POLR1C: variants seen among roughly 807,000 people sequenced by gnomAD.
POLR1C encodes the protein RNA polymerase I and III subunit C, also known as DNA-directed RNA polymerases I and III subunit RPAC1.
POLR1C carries 42 observed loss-of-function variants against 38.3 expected under a neutral mutation model. That is an observed-to-expected ratio of 1.10 (90% CI 0.86 to 1.42). POLR1C has a LOEUF of 1.42. POLR1C is among the 40% of genes most tolerant of loss of function. The pLI is 0.00. For synonymous variants in POLR1C, 163 were observed against 163.9 expected (o/e 0.99, Z 0.04); for missense variants, 507 against 450.5 (o/e 1.13, Z -1.14).
downstream of POLR1C, among the ~76,000 whole-genome samples, chr6:43,532,792 C>G (rs1794063467): frequency 6.6e-6 from 1 of 152,194 alleles, no homozygotes; most frequent in Admixed American, 6.5e-5. Flanking sequence ...TATGACTGCA[C>G]AGTTATTTTC....
chr6:43,561,035 G>C (rs779573987), intron 10 of POLR1C: 10 of 1,563,538 alleles, frequency 6.4e-6, no homozygotes, highest in Non-Finnish European at 8.8e-6. Context: ...TATATTAACG[G>C]TGTTGATCGA....
Position 43,558,856 on chromosome 6 carries a change from A to C in POLR1C, c.*49-2544A>C, listed in dbSNP as rs9472076. The C allele has an allele frequency of 9.5e-3, 3,279 of 344,098 alleles. 114 individuals are homozygous for C. Among genetic ancestry groups the C allele is most frequent in the African/African-American group, 0.062 (2,949 of 47,226 alleles). 21.3% of individuals were successfully genotyped at this position (344,098 alleles called of 1,614,324 possible). On this transcript the variant is annotated intron_variant, in intron 10 of 10. Coordinates refer to the POLR1C transcript ENST00000607635. ...GAGAATTAAATTCTTGAATTCTTTT[A>C]AGGTCCCCAGAAAAAATGACAATTC...
chr6:43,520,515 G>A (rs758963272), intron 6 of POLR1C, 88 bp downstream of exon 6: 235 of 1,601,532 alleles, frequency 1.5e-4, no homozygotes, highest in Admixed American at 3.5e-4. Context: ...AGACATTCCC[G>A]GCAGGTAGAA....
At chr6:43,536,758 TAAAAAA>T (rs1156884252) in intron 9 of POLR1C, among the ~76,000 whole-genome samples, 12 of 19,098 alleles carry the variant, frequency 6.3e-4, no homozygotes, top group African/African-American at 2.4e-3. Context: ...AGACTCTATC[TAAAAAA>T]AAAAAAAAAA....
intron 10 of POLR1C, chr6:43,560,303 ACT>A: frequency 6.3e-7 from 1 of 1,597,648 alleles, no homozygotes; most frequent in Admixed American, 1.8e-5. Context: ...GAGCGTAGAA[ACT>A]AAAGAGAAAA....
downstream of POLR1C, chr6:43,524,483 A>G (rs1223935943): frequency 1.2e-6 from 2 of 1,613,518 alleles, no homozygotes; most frequent in South Asian, 2.2e-5. Flanking sequence ...CAATGCAACC[A>G]GCAATGAGGC....
At chr6:43,546,377 T>C (rs1176702675) in intron 9 of POLR1C, among the ~76,000 whole-genome samples, 9 of 152,230 alleles carry the variant, frequency 5.9e-5, no homozygotes, top group Non-Finnish European at 1.3e-4. Flanking sequence ...TGGGTTCACA[T>C]GGAAATTAAG....
At chr6:43,549,760 C>A in intron 9 of POLR1C, 2 of 1,183,156 alleles carry the variant, frequency 1.7e-6, no homozygotes, top group Admixed American at 2.3e-5. Context: ...CCTATAGTGG[C>A]AAAACAACAT....
downstream of POLR1C, chr6:43,526,281 A>G (rs1023166797): frequency 2.7e-6 from 1 of 364,004 alleles, no homozygotes; most frequent in Non-Finnish European, 5.1e-6. Context: ...ACATTCTAAC[A>G]TGGGAGATAG....
chr6:43,546,460 T>A, intron 9 of POLR1C: 1 of 1,060,800 alleles, frequency 9.4e-7, no homozygotes. Flanking sequence ...AAGACTTAAA[T>A]CAATCCCTCA....
chr6:43,546,120 G>C (rs1293245349), intron 9 of POLR1C, among the ~76,000 whole-genome samples: 1 of 152,132 alleles, frequency 6.6e-6, no homozygotes, highest in African/African-American at 2.4e-5. Flanking sequence ...AGCATGTTCA[G>C]CCAGCGGTTG....
chr6:43,562,313 G>T, exon 11 of POLR1C: 4 of 1,609,584 alleles, frequency 2.5e-6, no homozygotes, highest in Non-Finnish European at 3.4e-6. Context: ...GAAAGACGTA[G>T]TGTTTTTCTA....
intron 8 of POLR1C, chr6:43,526,691 C>T (rs572100932): frequency 1.2e-6 from 2 of 1,613,950 alleles, no homozygotes; most frequent in East Asian, 2.2e-5. Context: ...TTACCGTCTC[C>T]ATCTGCTGGG....
At chr6:43,528,111 C>T (rs1382231401) in intron 8 of POLR1C, 1 of 1,557,686 alleles carries the variant, frequency 6.4e-7, no homozygotes, top group Non-Finnish European at 8.7e-7. Context: ...CCACCCCAAA[C>T]CTGGCTGCCA....
intron 10 of POLR1C, chr6:43,558,646 T>C (rs1172626151): frequency 8.8e-6 from 12 of 1,369,656 alleles, no homozygotes; most frequent in Non-Finnish European, 1.2e-5. Flanking sequence ...ACTGAAAGAG[T>C]TTTTAAGCTT....
downstream of POLR1C, chr6:43,525,144 C>T (rs1460354783): frequency 3.2e-6 from 5 of 1,582,440 alleles, no homozygotes; most frequent in African/African-American, 2.7e-5. Context: ...TGAGGTTGTC[C>T]TCTGGCAGGA....
intron 9 of POLR1C, among the ~76,000 whole-genome samples, chr6:43,550,151 A>G (rs1417733080): frequency 6.6e-6 from 1 of 152,176 alleles, no homozygotes; most frequent in Admixed American, 6.5e-5. Context: ...TACCATCAAA[A>G]CATTTTACAA....
intron 9 of POLR1C, among the ~76,000 whole-genome samples, chr6:43,549,143 C>T (rs1183306831): frequency 6.6e-6 from 1 of 152,158 alleles, no homozygotes; most frequent in Non-Finnish European, 1.5e-5. Flanking sequence ...CTCACTGCAA[C>T]CTCCGCCTCC....
intron 10 of POLR1C, among the ~76,000 whole-genome samples, chr6:43,553,031 T>C (rs932069134): frequency 8.3e-6 from 1 of 121,028 alleles, no homozygotes; most frequent in East Asian, 2.0e-4. Flanking sequence ...ACCAGTTTAC[T>C]GGCCAGGCAT....
Sources: allele counts gnomAD v4.1 joint callset (sites outside exome capture counted in the v4.1 genomes callset), GRCh38; gene constraint gnomAD v4.1.1; transcripts MANE v1.5; gene names NCBI Gene and HGNC (gene_info 2026-07-23, HGNC 2026-07-21).